Variants in ARHGAP11B observed in about 807,000 individuals in gnomAD.
The protein encoded by ARHGAP11B is Rho GTPase activating protein 11B.
Under a neutral mutation model 27.6 loss-of-function variants are expected in ARHGAP11B, and 14 were observed. The observed-to-expected ratio is 0.51, with a 90% CI of 0.34 to 0.79. The LOEUF (loss-of-function observed/expected upper bound fraction) is 0.79. Among genes scored for constraint, ARHGAP11B ranks in the 30% least tolerant of loss-of-function variants. ARHGAP11B has a pLI of 0.02. For missense variants in ARHGAP11B, 245 were observed against 320.1 expected (o/e 0.77, Z 1.79); for synonymous variants, 82 against 114.1 (o/e 0.72, Z 1.80).
intron 7 of ARHGAP11B, among the ~76,000 whole-genome samples, chr15:30,642,257 G>T (rs186949813): frequency 1.3e-5 from 2 of 151,666 alleles, no homozygotes; most frequent in African/African-American, 4.8e-5. Context: ...ATGTGTCCTG[G>T]GTGTGATTCA....
intron 5 of ARHGAP11B, 146 bp from the exon 6 acceptor site, chr15:30,635,341 T>C (rs1361923591): frequency 2.1e-6 from 3 of 1,433,122 alleles, no homozygotes; most frequent in East Asian, 4.6e-5. Flanking sequence ...AAAGTTGGTA[T>C]ATTACTGACC....
Position 30,643,419 on chromosome 15 carries a change from C to A in ARHGAP11B, c.*79-1220C>A, listed in dbSNP as rs189941611. Among the ~76,000 whole-genome samples, 1,036 of 151,856 alleles carry A rather than the reference C, an allele frequency of 6.8e-3. 8 individuals are homozygous for A. The highest frequency in any genetic ancestry group is 0.024 in the Middle Eastern group (7 of 292). On this transcript the variant is annotated intron_variant, in intron 7 of 10. Transcript: ENST00000428041. ...TCAGCCTCCTGAGTAGCTAGGATTA[C>A]AGGGGCCTGCCACTGCGCCTGGCTA... is the stretch of plus-strand genomic sequence containing the variant.
intron 1 of ARHGAP11B, among the ~76,000 whole-genome samples, chr15:30,627,386 C>T (rs1321469384): frequency 2.0e-5 from 3 of 151,972 alleles, no homozygotes; most frequent in African/African-American, 4.8e-5. Context: ...AAAACTCTAC[C>T]CCTCCACCCT....
intron 9 of ARHGAP11B, among the ~76,000 whole-genome samples, chr15:30,647,105 G>T (rs2060354565): frequency 6.6e-6 from 1 of 151,966 alleles, no homozygotes; most frequent in Non-Finnish European, 1.5e-5. Context: ...CAAGGTTTCT[G>T]CTGTGACATT....
At chr15:30,639,111 G>C (rs1237925809) in intron 7 of ARHGAP11B, among the ~76,000 whole-genome samples, 1 of 151,928 alleles carries the variant, frequency 6.6e-6, no homozygotes, top group East Asian at 1.9e-4. Context: ...TGTGAAAATA[G>C]TTCAACCTCA....
rs765025486 is a variant in ARHGAP11B, at chr15:30,631,787, CT to C, written c.200+1030del. Among the ~76,000 whole-genome samples the C allele has an allele frequency of 6.4e-3, 890 of 139,592 alleles. 12 individuals carry two copies. The highest frequency in any genetic ancestry group is 0.015 in the African/African-American group (592 of 38,468). 91.6% of individuals were successfully genotyped at this position (139,592 alleles called of 152,430 possible). A position where few individuals can be genotyped will look rare whatever the true frequency, so the allele number is the denominator to read the frequency against. ...TACTATTTATAAATAACCTTTTGTT[CT>C]TTTTTTTTTTTTTTTGAGACAGAGT... On this transcript the variant is annotated intron_variant, in intron 2 of 10. Transcript: ENST00000428041.
intron 9 of ARHGAP11B, among the ~76,000 whole-genome samples, chr15:30,646,771 A>T (rs187552626): frequency 6.6e-6 from 1 of 151,968 alleles, no homozygotes; most frequent in Non-Finnish European, 1.5e-5. Flanking sequence ...GCAGTTTGAA[A>T]CCAGCCTGGC....
chr15:30,640,969 G>A (rs1166087596), intron 7 of ARHGAP11B, among the ~76,000 whole-genome samples: 2 of 151,754 alleles, frequency 1.3e-5, no homozygotes, highest in East Asian at 1.9e-4. Context: ...GCAAATGGGA[G>A]TTGTAGTTCT....
intron 10 of ARHGAP11B, among the ~76,000 whole-genome samples, chr15:30,647,961 C>A (rs184614726): frequency 6.6e-6 from 1 of 151,820 alleles, no homozygotes; most frequent in Non-Finnish European, 1.5e-5. Context: ...ATTAACTGTT[C>A]TTGTTTTTTT....
At chr15:30,637,669 G>A (rs2060289003) in intron 6 of ARHGAP11B, among the ~76,000 whole-genome samples, 1 of 151,932 alleles carries the variant, frequency 6.6e-6, no homozygotes, top group African/African-American at 2.4e-5. Flanking sequence ...GGGAGGCGGA[G>A]GTTGTCGTTG....
intron 4 of ARHGAP11B, 76 bp from the exon 5 acceptor site, chr15:30,635,004 T>C (rs565827028): frequency 6.6e-7 from 1 of 1,504,732 alleles, no homozygotes; most frequent in South Asian, 1.1e-5. Context: ...GTCTTCAAAA[T>C]GTACTACATA....
chr15:30,646,966 T>C (rs1433120990), intron 9 of ARHGAP11B, among the ~76,000 whole-genome samples: 2 of 151,888 alleles, frequency 1.3e-5, no homozygotes, highest in African/African-American at 4.8e-5. Context: ...CGAAACTCCA[T>C]CTCAAAACAA....
chr15:30,649,118 G>C (rs1312195514), exon 11 of ARHGAP11B: 1 of 151,990 alleles, frequency 6.6e-6, no homozygotes, highest in Non-Finnish European at 1.5e-5. Context: ...ATTGGTTCTA[G>C]TATCCCCTTG....
At chr15:30,635,491 T>G (rs757757462) in exon 6 of ARHGAP11B, 3 of 1,613,172 alleles carry the variant, frequency 1.9e-6, no homozygotes, top group Non-Finnish European at 2.5e-6. Flanking sequence ...ATTTAGGGCG[T>G]GTACCAGACT....
chr15:30,634,889 A>G (rs1047274494), intron 4 of ARHGAP11B, among the ~76,000 whole-genome samples, 191 bp from the exon 5 acceptor site: 3 of 151,622 alleles, frequency 2.0e-5, no homozygotes, highest in East Asian at 1.9e-4. Flanking sequence ...TTTAGAATAC[A>G]TATTTAAATA....
intron 2 of ARHGAP11B, among the ~76,000 whole-genome samples, chr15:30,632,668 C>T (rs1251029026): frequency 6.6e-6 from 1 of 150,794 alleles, no homozygotes. Flanking sequence ...ATCTAGGTAT[C>T]TAAAGCCAAC....
At chr15:30,645,728 T>C (rs190602859) in intron 8 of ARHGAP11B, among the ~76,000 whole-genome samples, 1 of 152,212 alleles carries the variant, frequency 6.6e-6, no homozygotes, top group African/African-American at 2.4e-5. Flanking sequence ...TTATTGGAAC[T>C]TTTTAATAAC....
At chr15:30,647,039 C>T (rs1232261335) in intron 9 of ARHGAP11B, among the ~76,000 whole-genome samples, 2 of 151,928 alleles carry the variant, frequency 1.3e-5, no homozygotes, top group Non-Finnish European at 2.9e-5. Flanking sequence ...GAATGAACTG[C>T]CCATGTGGAA....
chr15:30,641,259 A>AT (rs1342633284), intron 7 of ARHGAP11B, among the ~76,000 whole-genome samples: 2 of 152,068 alleles, frequency 1.3e-5, no homozygotes, highest in African/African-American at 4.8e-5. Flanking sequence ...AGTTTAGATT[A>AT]TAAAAAATAT....
Sources: gnomAD v4.1 joint callset for allele counts (sites outside exome capture counted in the v4.1 genomes callset) on GRCh38, gnomAD v4.1.1 for gene constraint, MANE v1.5 for transcripts, NCBI Gene and HGNC (gene_info 2026-07-23, HGNC 2026-07-21) for gene names.